Variants in KIAA1217 observed in about 807,000 individuals in gnomAD.
The protein encoded by KIAA1217 is KIAA1217.
Under a neutral mutation model 163.9 loss-of-function variants are expected in KIAA1217, and 88 were observed. The observed-to-expected ratio is 0.54, with a 90% confidence interval of 0.45 to 0.64. The LOEUF is 0.64. Ranked by LOEUF, KIAA1217 falls within the 30% of genes least tolerant of loss-of-function variation. The pLI is 0.00. For synonymous variants in KIAA1217, 903 were observed against 923.1 expected (o/e 0.98, Z 0.39); for missense variants, 2,372 against 2,475.0 (o/e 0.96, Z 0.88).
At chr10:23,987,642 T>C (rs1846041853) in intron 1 of KIAA1217, among the ~76,000 whole-genome samples, 1 of 150,116 alleles carries the variant, frequency 6.7e-6, no homozygotes, top group African/African-American at 2.4e-5. Flanking sequence ...CGTGTGTGTG[T>C]GTGGTAAGAA....
chr10:23,995,968 A>C (rs996724530), intron 1 of KIAA1217, among the ~76,000 whole-genome samples: 3 of 152,156 alleles, frequency 2.0e-5, no homozygotes, highest in Admixed American at 1.3e-4. Flanking sequence ...GAAGCCATGA[A>C]ACAGTCCATC....
At chr10:24,240,875 A>G (rs78537704) in intron 2 of KIAA1217, among the ~76,000 whole-genome samples, 1 of 151,942 alleles carries the variant, frequency 6.6e-6, no homozygotes, top group African/African-American at 2.4e-5. Flanking sequence ...TTAAAAAAAA[A>G]AGACAGGGTC....
chr10:24,315,769 A>AC (rs1313743071), intron 2 of KIAA1217, among the ~76,000 whole-genome samples: 1 of 151,512 alleles, frequency 6.6e-6, no homozygotes, highest in African/African-American at 2.4e-5. Context: ...AACAAGAAAA[A>AC]AAAAATATGT....
At position 24,157,981 on chromosome 10, in the gene KIAA1217, TC is replaced by T. The variant is rs536919808; in HGVS notation, c.-170-61644del. 5.8e-4 allele frequency: 440 copies of T among 757,448 alleles called. 2 individuals carry two copies. The African/African-American group carries it at 6.1e-3, about 11-fold the overall frequency. The allele number at this position is 757,448 out of a possible 1,614,324, so 46.9% of individuals were successfully genotyped here. A position where few individuals can be genotyped will look rare whatever the true frequency, so the allele number is the denominator to read the frequency against. On this transcript the variant is annotated intron_variant, in intron 2 of 18. Coordinates refer to the KIAA1217 transcript ENST00000376462. The stretch of plus-strand genomic sequence containing the variant: ...TGCCAGCCCTGGTGACTCCACAATC[TC>T]GATCAATTAGTGGCCCTTCAGTAGG...
At chr10:24,167,228 C>G (rs190288360) in intron 2 of KIAA1217, among the ~76,000 whole-genome samples, 28 of 151,750 alleles carry the variant, frequency 1.8e-4, no homozygotes, top group African/African-American at 6.8e-4. Context: ...ATAAAAAGCA[C>G]TGAATAACAA....
At chr10:24,473,066 C>T (rs1242664277) in intron 5 of KIAA1217, among the ~76,000 whole-genome samples, 162 bp from the exon 6 acceptor site, 1 of 152,216 alleles carries the variant, frequency 6.6e-6, no homozygotes, top group Non-Finnish European at 1.5e-5. Context: ...CTCAACTTCA[C>T]CCCATCTGCA....
rs573245685 is a variant in KIAA1217 at position 24,265,105 on chromosome 10, C to T, written c.354+45196C>T. Among the ~76,000 whole-genome samples the T allele has an allele frequency of 2.6e-5, 4 of 152,274 alleles. No homozygotes were observed. The East Asian group carries it at 7.7e-4, about 29-fold the overall frequency. On this transcript the variant is annotated intron_variant, in intron 2 of 20. Transcript: ENST00000376454. ...TCTCGAACTCCTGGGCTCAAGCAATCCGCCCACCTTGGCCACCCAAAGTGA... is the reference window on the plus strand; with the variant it reads ...TCTCGAACTCCTGGGCTCAAGCAATTCGCCCACCTTGGCCACCCAAAGTGA...
intron 1 of KIAA1217, among the ~76,000 whole-genome samples, chr10:23,808,380 A>T (rs1836840547): frequency 6.6e-6 from 1 of 152,224 alleles, no homozygotes; most frequent in South Asian, 2.1e-4. Context: ...AATCAGAAAC[A>T]TCAATTCAGG....
intron 1 of KIAA1217, among the ~76,000 whole-genome samples, chr10:23,778,084 G>GCTACTCA (rs1835085694): frequency 6.6e-6 from 1 of 152,034 alleles, no homozygotes; most frequent in African/African-American, 2.4e-5. Flanking sequence ...TGGGATTATG[G>GCTACTCA]GTGTGCACCA....
In KIAA1217 at chr10:24,354,256, G is replaced by A. The variant is rs540833705; in HGVS notation, c.355-26613G>A. Among the ~76,000 whole-genome samples the A allele has an allele frequency of 5.3e-5, 8 of 152,228 alleles. No homozygotes were observed. In the East Asian group the frequency reaches 1.2e-3, roughly 22 times the overall value. On this transcript the variant is annotated intron_variant, in intron 2 of 20. Transcript: ENST00000376454. ...GTATTTGTGAAATGGCAGAGTTCCC[G>A]GACCCCCCTCACAGGACGTGAGACA...
intron 5 of KIAA1217, among the ~76,000 whole-genome samples, chr10:24,462,450 C>T (rs2062508225): frequency 6.6e-6 from 1 of 152,164 alleles, no homozygotes; most frequent in African/African-American, 2.4e-5. Flanking sequence ...GCATGAGGAA[C>T]ATCGTTCTTT....
intron 1 of KIAA1217, among the ~76,000 whole-genome samples, chr10:23,997,393 C>T (rs1201784727): frequency 1.3e-5 from 2 of 152,066 alleles, no homozygotes; most frequent in African/African-American, 2.4e-5. Flanking sequence ...TAAAGAGCTT[C>T]GCTAATCATT....
chr10:23,745,695 G>GAT (rs1390119668), intron 1 of KIAA1217, among the ~76,000 whole-genome samples: 1 of 152,130 alleles, frequency 6.6e-6, no homozygotes, highest in Non-Finnish European at 1.5e-5. Flanking sequence ...TTGGCCCACC[G>GAT]ATAATTTGTA....
At chr10:24,208,374 G>T (rs1589911686), upstream of KIAA1217, among the ~76,000 whole-genome samples, 1 of 148,846 alleles carries the variant, frequency 6.7e-6, no homozygotes, top group Non-Finnish European at 1.5e-5. Flanking sequence ...TTAAGGGCTG[G>T]GTGTGTGTGT....
At chr10:23,874,986 C>A (rs1249502620) in intron 1 of KIAA1217, among the ~76,000 whole-genome samples, 1 of 151,978 alleles carries the variant, frequency 6.6e-6, no homozygotes, top group African/African-American at 2.4e-5. Flanking sequence ...AAAGGAGGAG[C>A]TGCCATATCA....
chr10:24,163,541 G>A (rs1338102204), intron 2 of KIAA1217, among the ~76,000 whole-genome samples: 1 of 152,154 alleles, frequency 6.6e-6, no homozygotes, highest in Non-Finnish European at 1.5e-5. Context: ...TGGAGAAATG[G>A]CACCCTAGAG....
chr10:24,524,830 A>G, intron 13 of KIAA1217, 66 bp downstream of exon 13: 1 of 1,328,026 alleles, frequency 7.5e-7, no homozygotes, highest in Non-Finnish European at 1.0e-6. Context: ...TTTCCCTTAA[A>G]GCATTTATAG....
At chr10:24,108,906 A>G (rs987894344) in intron 2 of KIAA1217, among the ~76,000 whole-genome samples, 18 of 152,312 alleles carry the variant, frequency 1.2e-4, no homozygotes, top group Non-Finnish European at 2.4e-4. Context: ...ATATCGGCTC[A>G]CTGCAACCTC....
In KIAA1217 at chr10:24,098,496, C is replaced by G. The variant is rs78746869; in HGVS notation, c.-171+91122C>G. 5.8e-4 allele frequency among the ~76,000 whole-genome samples: 89 copies of G among 152,208 alleles called. 1 individual carries two copies. The highest frequency in any genetic ancestry group is 2.1e-3 in the African/African-American group (87 of 41,544). ...TGTTCTGTGAGTGGAGAAGGGTCTA[C>G]TCAGCTATATCTAGAGACCAAAGGC... On this transcript the variant is annotated intron_variant, in intron 2 of 18. Transcript: ENST00000376462.
Sources: allele counts gnomAD v4.1 joint callset (sites outside exome capture counted in the v4.1 genomes callset), GRCh38; gene constraint gnomAD v4.1.1; transcripts MANE v1.5; gene names NCBI Gene and HGNC (gene_info 2026-07-23, HGNC 2026-07-21).